The following CNTNAP2 variants were observed in gnomAD, a reference collection of about 807,000 sequenced individuals.
CNTNAP2 encodes the protein contactin associated protein 2, also known as contactin-associated protein-like 2.
A neutral mutation model predicts 155.2 loss-of-function variants in CNTNAP2; 98 were observed. The observed-to-expected ratio is 0.63, with a 90% CI of 0.54 to 0.75. The LOEUF is 0.75. CNTNAP2 is among the 30% of genes least tolerant of loss of function. The pLI is 0.00. For synonymous variants in CNTNAP2, 651 were observed against 631.2 expected, an observed-to-expected ratio of 1.03 and a Z score of -0.47; for missense variants, 1,727 against 1,688.1, an observed-to-expected ratio of 1.02 and a Z score of -0.40.
chr7:146,911,182 A>G (rs1796267411), intron 3 of CNTNAP2, among the ~76,000 whole-genome samples: 2 of 152,098 alleles, frequency 1.3e-5, no homozygotes. Flanking sequence ...ATGTGGAGAA[A>G]TAGGAACACT....
intron 1 of CNTNAP2, among the ~76,000 whole-genome samples, chr7:146,620,603 T>G (rs927238147): frequency 1.3e-5 from 2 of 152,166 alleles, no homozygotes; most frequent in Non-Finnish European, 2.9e-5. Flanking sequence ...TATAACACCT[T>G]TAGCCTTTTT....
At chr7:147,567,769 T>C (rs761373917) in intron 12 of CNTNAP2, among the ~76,000 whole-genome samples, 9 of 152,102 alleles carry the variant, frequency 5.9e-5, no homozygotes, top group Middle Eastern at 3.2e-3. Context: ...GCAAAGTCAC[T>C]GTAGGACCTT....
intron 1 of CNTNAP2, among the ~76,000 whole-genome samples, chr7:146,542,142 A>C (rs1008054399): frequency 6.6e-6 from 1 of 151,818 alleles, no homozygotes; most frequent in African/African-American, 2.4e-5. Context: ...TCTTTTTTCT[A>C]CTGTCTTCTT....
intron 8 of CNTNAP2, among the ~76,000 whole-genome samples, chr7:147,252,682 G>C (rs1038412526): frequency 6.6e-6 from 1 of 152,036 alleles, no homozygotes; most frequent in Admixed American, 6.6e-5. Context: ...CCTTGGATTC[G>C]ATACTAATTA....
intron 18 of CNTNAP2, among the ~76,000 whole-genome samples, chr7:148,192,680 A>G (rs1795219181): frequency 6.6e-6 from 1 of 152,188 alleles, no homozygotes; most frequent in Admixed American, 6.5e-5. Flanking sequence ...CACAAACCAC[A>G]AATTAGGAAG....
chr7:146,326,610 A>C (rs569592627), intron 1 of CNTNAP2, among the ~76,000 whole-genome samples: 1 of 152,200 alleles, frequency 6.6e-6, no homozygotes. Flanking sequence ...TTGATGACAC[A>C]CCACAGCCGC....
At chr7:148,054,866 T>C (rs1802978265) in intron 15 of CNTNAP2, among the ~76,000 whole-genome samples, 6 of 150,376 alleles carry the variant, frequency 4.0e-5, no homozygotes, top group Non-Finnish European at 5.9e-5. Flanking sequence ...CTCCAGTATG[T>C]AAATTAATAG....
chr7:148,169,198 A>G (rs1488620766), intron 17 of CNTNAP2, among the ~76,000 whole-genome samples: 1 of 152,236 alleles, frequency 6.6e-6, no homozygotes, highest in Non-Finnish European at 1.5e-5. Flanking sequence ...GGAAAACATT[A>G]AAATTACTCA....
chr7:147,948,046 A>AG (rs1800851559), intron 14 of CNTNAP2, among the ~76,000 whole-genome samples: 1 of 152,164 alleles, frequency 6.6e-6, no homozygotes, highest in African/African-American at 2.4e-5. Context: ...TAGAAAGAGG[A>AG]GAAAAAAATA....
chr7:147,484,507 T>C (rs1798477734), intron 10 of CNTNAP2, among the ~76,000 whole-genome samples: 1 of 152,238 alleles, frequency 6.6e-6, no homozygotes, highest in Non-Finnish European at 1.5e-5. Context: ...AACTATGAGC[T>C]CTTCTGCAAG....
chr7:146,559,077 G>A (rs1263431294), intron 1 of CNTNAP2, among the ~76,000 whole-genome samples: 6 of 152,074 alleles, frequency 3.9e-5, no homozygotes, highest in African/African-American at 9.7e-5. Context: ...TGGGCAGGAG[G>A]AATATATTTT....
At chr7:146,663,277 C>CAAAAAAAAAAAAAAAAA (rs543257224) in intron 1 of CNTNAP2, among the ~76,000 whole-genome samples, 3 of 33,236 alleles carry the variant, frequency 9.0e-5, no homozygotes, top group African/African-American at 1.5e-4. Flanking sequence ...AACTCCATCT[C>CAAAAAAAAAAAAAAAAA]AAAAAAAAAA....
intron 1 of CNTNAP2, among the ~76,000 whole-genome samples, chr7:146,532,543 A>C (rs1303318804): frequency 6.6e-6 from 1 of 152,166 alleles, no homozygotes; most frequent in Non-Finnish European, 1.5e-5. Flanking sequence ...ATCTAGCCTC[A>C]CAACCTTATG....
intron 21 of CNTNAP2, among the ~76,000 whole-genome samples, chr7:148,357,161 C>T (rs1022302446): frequency 2.6e-5 from 4 of 152,116 alleles, no homozygotes; most frequent in African/African-American, 9.7e-5. Context: ...GTAATTGAAT[C>T]ATGGGGGTGG....
chr7:148,165,172 TTCTGAGGCTTC>T (rs1805628930), intron 17 of CNTNAP2, among the ~76,000 whole-genome samples: 1 of 152,170 alleles, frequency 6.6e-6, no homozygotes, highest in Non-Finnish European at 1.5e-5. Flanking sequence ...GGTTGCTTTC[TTCTGAGGCTTC>T]TCTTCTTGGT....
intron 15 of CNTNAP2, among the ~76,000 whole-genome samples, chr7:148,114,637 G>A (rs1273528587): frequency 1.3e-5 from 2 of 152,152 alleles, no homozygotes; most frequent in Non-Finnish European, 2.9e-5. Flanking sequence ...AGATTCCTCA[G>A]AACAGGACTC....
At chr7:147,225,219 C>A (rs1419108952) in intron 8 of CNTNAP2, among the ~76,000 whole-genome samples, 4 of 152,190 alleles carry the variant, frequency 2.6e-5, no homozygotes, top group Non-Finnish European at 4.4e-5. Flanking sequence ...CTGTCAATTA[C>A]AAATTCAATT....
chr7:148,414,101 C>T (rs1250672294), intron 23 of CNTNAP2, among the ~76,000 whole-genome samples: 67 of 1,400 alleles, frequency 0.048, no homozygotes, highest in African/African-American at 0.14. Flanking sequence ...AGACAGAGTC[C>T]CCCCCCCCCC....
intron 2 of CNTNAP2, among the ~76,000 whole-genome samples, chr7:146,799,405 C>T (rs191894558): frequency 6.6e-6 from 1 of 152,310 alleles, no homozygotes; most frequent in East Asian, 1.9e-4. Context: ...CATCTAACAT[C>T]ATGTCCAGCA....
Sources: gnomAD v4.1 joint callset for allele counts (sites outside exome capture counted in the v4.1 genomes callset) on GRCh38, gnomAD v4.1.1 for gene constraint, MANE v1.5 for transcripts, NCBI Gene and HGNC (gene_info 2026-07-23, HGNC 2026-07-21) for gene names.